The following AP1G2 variants were observed in gnomAD, a reference collection of about 807,000 sequenced individuals.
AP1G2 encodes the protein AP-1 complex subunit gamma-like 2.
In AP1G2, 85 loss-of-function variants were observed where a neutral mutation model predicts 95.8. That is an observed-to-expected ratio of 0.89 (90% CI 0.74 to 1.06). The LOEUF (loss-of-function observed/expected upper bound fraction) is 1.06, where lower values mean the gene tolerates loss of function less well. Ranked by LOEUF, AP1G2 falls within the 50% of genes least tolerant of loss-of-function variation. AP1G2 has a pLI of 0.00. For missense variants in AP1G2, 967 were observed against 1,005.8 expected (o/e 0.96, Z 0.52); for synonymous variants, 378 against 400.0 (o/e 0.94, Z 0.66).
chr14:23,562,949 C>G, intron 14 of AP1G2: 1 of 717,774 alleles, frequency 1.4e-6, no homozygotes, highest in South Asian at 2.4e-5. Flanking sequence ...CCTAACCAAA[C>G]AGGATGGAAA....
chr14:23,567,771 C>A lies in AP1G2; in HGVS notation c.-38G>T. The A allele has an allele frequency of 4.0e-6, 4 of 1,003,822 alleles. No individual in the cohort carries two copies. Among genetic ancestry groups the A allele is most frequent in the Non-Finnish European group, 4.8e-6 (4 of 841,498 alleles). The allele number at this position is 1,003,822 out of a possible 1,614,324, so 62.2% of individuals were successfully genotyped here. A position where few individuals can be genotyped will look rare whatever the true frequency, so the allele number is the denominator to read the frequency against. Reference sequence around the variant, plus strand: ...CTGCCTCAACTCCGCTCCTCTGCCCCCCAGCGCTTCCTGGTACGGGGCCGA... The same window carrying A: ...CTGCCTCAACTCCGCTCCTCTGCCCACCAGCGCTTCCTGGTACGGGGCCGA... On this transcript the variant is annotated 5_prime_UTR_variant, in exon 1 of 22. Transcript: ENST00000397120. This position sits in a 1 kb window ranked among gnomAD's most constrained non-coding sequence, Gnocchi z 5.3.
At chr14:23,566,516 ACTCTCCCAT>A in intron 3 of AP1G2, 37 bp downstream of exon 3, 2 of 1,610,182 alleles carry the variant, frequency 1.2e-6, no homozygotes, top group Non-Finnish European at 1.7e-6. Flanking sequence ...CAAGGTCCCT[ACTCTCCCAT>A]CTCCCTGATT....
At chr14:23,561,227 G>A (rs1884449653) in intron 19 of AP1G2, 69 bp downstream of exon 19, 2 of 1,500,876 alleles carry the variant, frequency 1.3e-6, no homozygotes, top group Non-Finnish European at 1.8e-6. Context: ...CTCAGCCCTT[G>A]GCTTAGGAGG....
intron 19 of AP1G2, 172 bp from the exon 20 acceptor site, chr14:23,560,590 C>T: frequency 1.6e-6 from 1 of 639,994 alleles, no homozygotes; most frequent in South Asian, 2.7e-5. Context: ...GGGAGAGAAA[C>T]AATAAAAAAA....
Position 23,567,138 on chromosome 14 carries a change from CAT to C in AP1G2, c.175_176del (p.Met59ValfsTer37). ...GTCCAAAGTGGGCGGGGTAGCCCAA[CAT>C]GTGGACGTAGAGCAGTTTGGCCAGC... ...RQLAKLLYVH[M>X]LGYPAHFGQM... On this transcript the variant is annotated frameshift_variant, in exon 2 of 22. Transcript: ENST00000397120. LOFTEE classifies it high-confidence loss of function. This position sits in a 1 kb window ranked among gnomAD's most constrained non-coding sequence, Gnocchi z 5.3. The C allele has an allele frequency of 1.2e-6, 2 of 1,611,790 alleles. No homozygotes were observed. The highest frequency in any genetic ancestry group is 1.1e-5 in the South Asian group (1 of 90,870).
At chr14:23,562,691 C>G (rs137928672) in intron 14 of AP1G2, 98 bp from the exon 15 acceptor site, 1 of 1,268,092 alleles carries the variant, frequency 7.9e-7, no homozygotes, top group Non-Finnish European at 1.1e-6. Flanking sequence ...TTGCTTGAGA[C>G]CAGGAGTTCA....
Position 23,567,308 on chromosome 14 carries a change from C to T in AP1G2, c.7G>A (p.Val3Met). 1 of 1,612,532 alleles carries T rather than the reference C, an allele frequency of 6.2e-7. No homozygotes were observed. Residue 3 changes from valine to methionine, a missense_variant, in exon 2 of 22, where the codon GTG (valine) becomes ATG (methionine). Transcript: ENST00000397120. The surrounding 1 kb of genome is among the most constrained non-coding windows in gnomAD (Gnocchi z 5.3). ...AGGTCCTGAAGCTTCAGCGAAGGCA[C>T]CACCATCCTGACTGGCAGAGTCCGG... is the stretch of plus-strand genomic sequence containing the variant. MV[V>M]PSLKLQDLIE...
chr14:23,560,572 T>C (rs1056962927), intron 19 of AP1G2, 154 bp from the exon 20 acceptor site: 22 of 730,044 alleles, frequency 3.0e-5, no homozygotes, highest in Non-Finnish European at 4.3e-5. Flanking sequence ...GAGCTTACTG[T>C]CTAATGGGGG....
chr14:23,567,228 T>C lies in AP1G2; in HGVS notation c.87A>G (p.Gln29=), dbSNP rs1467651134. 4 of 1,613,010 alleles carry C rather than the reference T, an allele frequency of 2.5e-6. No individual in the cohort carries two copies. The highest frequency in any genetic ancestry group is 3.4e-6 in the Non-Finnish European group (4 of 1,179,442). Residue 29 remains glutamine (Q), a synonymous_variant, in exon 2 of 22, where the codon CAA becomes CAG. Transcript: ENST00000397120. The surrounding 1 kb of genome is among the most constrained non-coding windows in gnomAD (Gnocchi z 5.3). ...KTQAQEREVI[Q]KECAHIRASF... ...AGGCCCGGATGTGGGCACACTCCTT[T>C]TGGATCACCTCCCGCTCCTGGGCCT... is the stretch of plus-strand genomic sequence containing the variant.
chr14:23,566,045 G>A lies in AP1G2; in HGVS notation c.568+19C>T. ...GTCCATAGACCTGAAGCAAAGGATG[G>A]GGGGCCCCACAGCCTTACCATGGTG... is the stretch of plus-strand genomic sequence containing the variant. On this transcript the variant is annotated intron_variant, in intron 5 of 21. Coordinates refer to ENST00000397120, the MANE Select transcript of AP1G2 (RefSeq NM_003917.5). 3.7e-6 allele frequency: 6 copies of A among 1,614,132 alleles called. No individual in the cohort carries two copies. Among genetic ancestry groups the A allele is most frequent in the Non-Finnish European group, 5.1e-6 (6 of 1,180,022 alleles).
At position 23,564,390 on chromosome 14, in the gene AP1G2, T is replaced by C. The variant is rs1158418802; in HGVS notation, c.922-2A>G. On this transcript the variant is annotated splice_acceptor_variant, in intron 9 of 21. Transcript: ENST00000397120. LOFTEE classifies it high-confidence loss of function. ...ACCAAGAATGTTGACAGCTAGAACCTATGAGAGGCAGAAGTTGGGGTCAGT... is the reference window on the plus strand; with the variant it reads ...ACCAAGAATGTTGACAGCTAGAACCCATGAGAGGCAGAAGTTGGGGTCAGT... The C allele has an allele frequency of 1.2e-6, 2 of 1,614,094 alleles. No individual in the cohort carries two copies. Among genetic ancestry groups the C allele is most frequent in the East Asian group, 4.5e-5 (2 of 44,866 alleles).
Position 23,567,505 on chromosome 14 carries a change from A to G in AP1G2, c.-5-186T>C. 7.2e-7 allele frequency: 1 copy of G among 1,383,820 alleles called. No homozygotes were observed. 85.7% of individuals were successfully genotyped at this position (1,383,820 alleles called of 1,614,324 possible). A position where few individuals can be genotyped will look rare whatever the true frequency, so the allele number is the denominator to read the frequency against. On this transcript the variant is annotated intron_variant, in intron 1 of 21. Coordinates refer to ENST00000397120, the MANE Select transcript of AP1G2 (RefSeq NM_003917.5). This position sits in a 1 kb window ranked among gnomAD's most constrained non-coding sequence, Gnocchi z 5.3. ...GCCCACCCCACCGCCCGAGAAGCCCACTACGCATGCGTCCGCACCCCACCG... is the reference window on the plus strand; with the variant it reads ...GCCCACCCCACCGCCCGAGAAGCCCGCTACGCATGCGTCCGCACCCCACCG...
chr14:23,560,925 A>C (rs1884212155), intron 19 of AP1G2: 1 of 264,900 alleles, frequency 3.8e-6, no homozygotes, highest in Non-Finnish European at 6.3e-6. Flanking sequence ...TTTTAGCTGA[A>C]GCCTGAAGAG....
rs1887516616 is a variant in AP1G2, at chr14:23,565,664, A to G, written c.683T>C (p.Val228Ala). ...GTGTTCTGTGGAGTATCCCATTGTC[A>G]CCAGAGTCCGGAGGATGTGTACCAG... ...PQLVHILRTLVTMGYSTEHSI... is the reference protein window; with the variant it reads ...PQLVHILRTLATMGYSTEHSI... Residue 228 changes from valine to alanine, a missense_variant, in exon 7 of 22, where the codon GTG becomes GCG. Coordinates refer to ENST00000397120, the MANE Select transcript of AP1G2 (RefSeq NM_003917.5). 2 of 1,614,092 alleles carry G rather than the reference A, an allele frequency of 1.2e-6. No individual in the cohort carries two copies. The highest frequency in any genetic ancestry group is 2.2e-5 in the South Asian group (2 of 91,086).
chr14:23,562,295 C>G lies in AP1G2; in HGVS notation c.1621G>C (p.Asp541His). The change falls in exon 16 of 22, where the codon GAC becomes CAC. Residue 541 changes from aspartate to histidine, a missense_variant. Asp to His is a moderately conservative substitution (Grantham distance 81). Coordinates refer to ENST00000397120, the MANE Select transcript of AP1G2 (RefSeq NM_003917.5). ...GCTGGGACCCCTTCTTACTTGTTGT[C>G]CCCACAGAGGCGAGTGCTGAGCTTC... is the stretch of plus-strand genomic sequence containing the variant. Reference protein sequence around the residue: ...LMKLSTRLCGDNNRIRQVVSI... With the variant: ...LMKLSTRLCGHNNRIRQVVSI... The G allele has an allele frequency of 1.2e-6, 2 of 1,614,140 alleles. No individual in the cohort carries two copies. Among genetic ancestry groups the G allele is most frequent in the Non-Finnish European group, 1.7e-6 (2 of 1,179,990 alleles).
At chr14:23,564,521 G>C (rs1382945742) in intron 9 of AP1G2, 41 bp downstream of exon 9, 1 of 1,605,398 alleles carries the variant, frequency 6.2e-7, no homozygotes, top group South Asian at 1.1e-5. Flanking sequence ...TGGGTGAGGT[G>C]GTGGGCGGGG....
At position 23,561,606 on chromosome 14, in the gene AP1G2, A is replaced by G; in HGVS notation, c.1763T>C (p.Val588Ala). 6.2e-7 allele frequency: 1 copy of G among 1,613,978 alleles called. No homozygotes were observed. Among genetic ancestry groups the G allele is most frequent in the Non-Finnish European group, 8.5e-7 (1 of 1,179,998 alleles). ...ATCAGCCTGAGGGCCATCTCGCTCC[A>G]CAAGAGGCATTTTTTCCAGGATGGC... is the stretch of plus-strand genomic sequence containing the variant. ...RAAILEKMPL[V>A]ERDGPQADEE... is the part of the protein sequence containing the mutation. The change falls in exon 18 of 22, where the codon GTG becomes GCG. Residue 588 changes from valine to alanine, a missense_variant. Val to Ala is a moderately conservative substitution (Grantham distance 64). Transcript: ENST00000397120.
intron 20 of AP1G2, 84 bp downstream of exon 20, chr14:23,560,171 C>A: frequency 6.5e-7 from 1 of 1,540,104 alleles, no homozygotes; most frequent in South Asian, 1.2e-5. Flanking sequence ...TCCCATCTCA[C>A]ACTGTCTCCC....
rs758077118 is a variant in AP1G2, at chr14:23,566,594, A to T, written c.297T>A (p.Asp99Glu). ...GAMLLLDERH[D>E]AHLLITNSIK... Reference sequence around the variant, plus strand: ...TGCTGTTGGTAATGAGCAGGTGGGCATCGTGCCTCTCATCCAATAGAAGCA... The same window carrying T: ...TGCTGTTGGTAATGAGCAGGTGGGCTTCGTGCCTCTCATCCAATAGAAGCA... The change falls in exon 3 of 22, where the codon GAT becomes GAA. Residue 99 changes from aspartate (D) to glutamate (E), a missense_variant. Transcript: ENST00000397120. The T allele has an allele frequency of 6.2e-7, 1 of 1,614,218 alleles. No homozygotes were observed. The highest frequency in any genetic ancestry group is 2.2e-5 in the East Asian group (1 of 44,888).
Sources: gnomAD v4.1 joint callset for allele counts on GRCh38, gnomAD v4.1.1 for gene constraint, Gnocchi (gnomAD v3.1) non-coding constraint, MANE v1.5 for transcripts, NCBI Gene and HGNC (gene_info 2026-07-23, HGNC 2026-07-21) for gene names.